Variants in KLHL6 observed in about 807,000 individuals in gnomAD.
The protein encoded by KLHL6 is kelch like family member 6.
A neutral mutation model predicts 58.6 loss-of-function variants in KLHL6; 41 were observed. The ratio of observed to expected loss-of-function variants is 0.70; its 90% confidence interval spans 0.55 to 0.91. The LOEUF (loss-of-function observed/expected upper bound fraction) is 0.91, where lower values mean the gene tolerates loss of function less well. Among genes scored for constraint, KLHL6 ranks in the 40% least tolerant of loss-of-function variants. The pLI, the probability that KLHL6 is intolerant of heterozygous loss-of-function variation, is 0.00. For synonymous variants in KLHL6, 338 were observed against 322.7 expected, an observed-to-expected ratio of 1.05 and a Z score of -0.51; for missense variants, 714 against 805.6, an observed-to-expected ratio of 0.89 and a Z score of 1.38.
rs1717611641 is a variant in KLHL6 at position 183,492,838 on chromosome 3, TG to T, written c.1351-132del. ...CTTTTGCCTATAGTCACAAGGCCCA[TG>T]GGCTTGACTCCTCTTAAGACACAGC... On this transcript the variant is annotated intron_variant, in intron 5 of 6. Coordinates refer to ENST00000341319, the MANE Select transcript of KLHL6 (RefSeq NM_130446.4). This position sits in a 1 kb window ranked among gnomAD's most constrained non-coding sequence, Gnocchi z 5.9. The T allele has an allele frequency of 2.8e-6, 2 of 723,416 alleles. No homozygotes were observed. The highest frequency in any genetic ancestry group is 3.5e-5 in the African/African-American group (2 of 56,614). The allele number at this position is 723,416 out of a possible 1,614,324, so 44.8% of individuals were successfully genotyped here. A position where few individuals can be genotyped will look rare whatever the true frequency, so the allele number is the denominator to read the frequency against.
At position 183,494,235 on chromosome 3, in the gene KLHL6, G is replaced by A; in HGVS notation, c.1194C>T (p.Ile398=). Residue 398 remains isoleucine, a synonymous_variant, in exon 5 of 7, where the codon ATC becomes ATT. Coordinates refer to ENST00000341319, the MANE Select transcript of KLHL6 (RefSeq NM_130446.4). ...AATACTCAATCTGAATCCACTTGTT[G>A]ATCGAAGAATTATATTTCCAAACAT... ...QHDVWKYNSS[I]NKWIQIEYLN... 1 of 1,614,086 alleles carries A rather than the reference G, an allele frequency of 6.2e-7. No homozygotes were observed. Among genetic ancestry groups the A allele is most frequent in the Non-Finnish European group, 8.5e-7 (1 of 1,179,954 alleles).
chr3:183,541,403 A>C (rs1712547442), intron 1 of KLHL6, among the ~76,000 whole-genome samples: 1 of 152,230 alleles, frequency 6.6e-6, no homozygotes, highest in Non-Finnish European at 1.5e-5. Context: ...GTTGGGCTAC[A>C]CGCAGGAGTG....
intron 2 of KLHL6, among the ~76,000 whole-genome samples, chr3:183,515,676 T>G (rs947754882): frequency 4.6e-5 from 7 of 152,238 alleles, no homozygotes; most frequent in Admixed American, 1.3e-4. Flanking sequence ...CCCTCCCTCC[T>G]CTGTGCTCCA....
chr3:183,539,803 GA>G (rs1262360435), intron 1 of KLHL6, among the ~76,000 whole-genome samples: 6 of 151,982 alleles, frequency 3.9e-5, no homozygotes, highest in Non-Finnish European at 5.9e-5. Context: ...CTGTGGAGAA[GA>G]AAACTCTGGC....
intron 1 of KLHL6, among the ~76,000 whole-genome samples, chr3:183,536,195 G>C (rs1712359596): frequency 6.6e-6 from 1 of 152,164 alleles, no homozygotes; most frequent in Non-Finnish European, 1.5e-5. Flanking sequence ...AAGGGAACAG[G>C]GGGGCAAGAC....
intron 1 of KLHL6, among the ~76,000 whole-genome samples, chr3:183,547,113 A>G (rs1712749769): frequency 6.6e-6 from 1 of 152,102 alleles, no homozygotes; most frequent in Non-Finnish European, 1.5e-5. Context: ...GTGTTTCACC[A>G]TGTTGGCCAG....
chr3:183,549,466 A>T (rs764976207), intron 1 of KLHL6, among the ~76,000 whole-genome samples: 6 of 152,244 alleles, frequency 3.9e-5, no homozygotes, highest in Admixed American at 6.5e-5. Flanking sequence ...TGATAAATGT[A>T]AAGTTTTTTG....
At chr3:183,502,358 T>G (rs1717890530) in intron 3 of KLHL6, among the ~76,000 whole-genome samples, 1 of 151,620 alleles carries the variant, frequency 6.6e-6, no homozygotes, top group Admixed American at 6.6e-5. Context: ...GCTAGGTAAC[T>G]CAGTCTAAAT....
chr3:183,495,300 T>C (rs1397583391), intron 4 of KLHL6, among the ~76,000 whole-genome samples: 1 of 152,230 alleles, frequency 6.6e-6, no homozygotes, highest in Admixed American at 6.5e-5. Context: ...GGTGGTGGTT[T>C]TGTTTTCTTT....
intron 2 of KLHL6, among the ~76,000 whole-genome samples, chr3:183,516,071 G>A (rs927172238): frequency 5.9e-5 from 9 of 152,208 alleles, no homozygotes; most frequent in African/African-American, 1.7e-4. Flanking sequence ...AGTCAGCATC[G>A]TGGTGCCTTT....
intron 2 of KLHL6, among the ~76,000 whole-genome samples, chr3:183,516,021 G>A (rs117647957): frequency 1.3e-5 from 2 of 152,348 alleles, no homozygotes; most frequent in East Asian, 1.9e-4. Flanking sequence ...AAAGAGCGAT[G>A]CAAGTTCACA....
At chr3:183,533,977 A>G (rs745524086) in intron 1 of KLHL6, among the ~76,000 whole-genome samples, 3 of 147,722 alleles carry the variant, frequency 2.0e-5, no homozygotes, top group Non-Finnish European at 4.5e-5. Context: ...AGCCGTGATG[A>G]TATCAGAGCA....
chr3:183,535,186 G>A (rs1367664533), intron 1 of KLHL6, among the ~76,000 whole-genome samples: 2 of 152,010 alleles, frequency 1.3e-5, no homozygotes, highest in African/African-American at 4.8e-5. Flanking sequence ...CTTGTGATCT[G>A]CCCGCCTCAG....
intron 1 of KLHL6, among the ~76,000 whole-genome samples, chr3:183,536,140 G>A (rs188075525): frequency 5.9e-5 from 9 of 152,236 alleles, no homozygotes; most frequent in Admixed American, 1.3e-4. Context: ...ATGTCTGACC[G>A]GGCATCTGGA....
rs771941353 is a variant in KLHL6, at chr3:183,553,848, C to T, written c.293+1513G>A. On this transcript the variant is annotated intron_variant, in intron 1 of 6. Transcript: ENST00000341319. The stretch of plus-strand genomic sequence containing the variant: ...CAGATAACTATGTCTGTCTGGCACA[C>T]AGCAGCCACTGCTTCCCTCAAACCC... Among the ~76,000 whole-genome samples the T allele has an allele frequency of 9.9e-4, 150 of 152,254 alleles. 4 individuals are homozygous for T. The highest frequency in any genetic ancestry group is 3.1e-4 in the Non-Finnish European group (21 of 68,028).
intron 2 of KLHL6, among the ~76,000 whole-genome samples, chr3:183,510,020 C>A (rs1193312595): frequency 1.3e-5 from 2 of 152,082 alleles, no homozygotes; most frequent in Non-Finnish European, 2.9e-5. Flanking sequence ...TAAGTTATCA[C>A]CATCCTCATA....
chr3:183,550,270 T>C (rs1560113131), intron 1 of KLHL6, among the ~76,000 whole-genome samples: 1 of 152,280 alleles, frequency 6.6e-6, no homozygotes, highest in African/African-American at 2.4e-5. Context: ...CCACATCTAC[T>C]GAATAAGTGA....
In KLHL6 at chr3:183,489,749, C is replaced by G. The variant is rs753679384; in HGVS notation, c.*2178G>C. 6.6e-6 allele frequency: 1 copy of G among 152,242 alleles called. No homozygotes were observed. Among genetic ancestry groups the G allele is most frequent in the African/African-American group, 2.4e-5 (1 of 41,470 alleles). 9.4% of individuals were successfully genotyped at this position (152,242 alleles called of 1,614,324 possible). A position where few individuals can be genotyped will look rare whatever the true frequency, so the allele number is the denominator to read the frequency against. On this transcript the variant is annotated 3_prime_UTR_variant, in exon 7 of 7. Transcript: ENST00000341319. ...ACTGTCACGCTTCTAAGGCACAGAG[C>G]ATTTCACACACCAACATACATTTAT...
rs1717554302 is a variant in KLHL6 at position 183,491,582 on chromosome 3, G to A, written c.*345C>T. 4.6e-6 allele frequency: 1 copy of A among 216,474 alleles called. No homozygotes were observed. Among genetic ancestry groups the A allele is most frequent in the Non-Finnish European group, 9.1e-6 (1 of 110,338 alleles). 13.4% of individuals were successfully genotyped at this position (216,474 alleles called of 1,614,324 possible). A position where few individuals can be genotyped will look rare whatever the true frequency, so the allele number is the denominator to read the frequency against. On this transcript the variant is annotated 3_prime_UTR_variant, in exon 7 of 7. Transcript: ENST00000341319. Reference sequence around the variant, plus strand: ...CGCCACTTAGCCTCTGTGAAACTTGGTTCCCTCACCTGTAAACTAGAAGTG... The same window carrying A: ...CGCCACTTAGCCTCTGTGAAACTTGATTCCCTCACCTGTAAACTAGAAGTG...
Sources: allele counts gnomAD v4.1 joint callset (sites outside exome capture counted in the v4.1 genomes callset), GRCh38; gene constraint gnomAD v4.1.1; non-coding constraint Gnocchi (gnomAD v3.1); transcripts MANE v1.5; gene names NCBI Gene and HGNC (gene_info 2026-07-23, HGNC 2026-07-21).